Variants in CLHC1 observed in about 807,000 individuals in gnomAD.
The protein encoded by CLHC1 is clathrin heavy chain linker domain containing 1.
A neutral mutation model predicts 69.5 loss-of-function variants in CLHC1; 72 were observed. That is an observed-to-expected ratio of 1.04 (90% CI 0.86 to 1.26). The LOEUF is 1.26. Among genes scored for constraint, CLHC1 ranks in the 50% most tolerant of loss-of-function variants. The pLI, the probability that CLHC1 is intolerant of heterozygous loss-of-function variation, is 0.00. For missense variants in CLHC1, 790 were observed against 679.3 expected, an observed-to-expected ratio of 1.16 and a Z score of -1.81; for synonymous variants, 223 against 224.3, an observed-to-expected ratio of 0.99 and a Z score of 0.05.
chr2:55,212,556 A>AAC (rs139802708), intron 5 of CLHC1, 117 bp downstream of exon 5: 8 of 789,550 alleles, frequency 1.0e-5, no homozygotes, highest in South Asian at 5.1e-5. Context: ...TTATGTGTAC[A>AAC]ACACACACAC....
At position 55,183,760 on chromosome 2, in the gene CLHC1, C is replaced by A. The variant is rs1271028603; in HGVS notation, c.1007-2016G>T. Among the ~76,000 whole-genome samples, 3 of 152,086 alleles carry A rather than the reference C, an allele frequency of 2.0e-5. No individual in the cohort carries two copies. The East Asian group carries it at 5.8e-4, about 29-fold the overall frequency. ...CCAATAACCCTAACAAGGTGGGTAT[C>A]ATTAACATTCCTAGTTTTCTTTTCT... On this transcript the variant is annotated intron_variant, in intron 9 of 12. Coordinates refer to ENST00000401408, the MANE Select transcript of CLHC1 (RefSeq NM_152385.4).
In CLHC1 at chr2:55,222,997, CCAGT is replaced by C. The variant is rs560111403; in HGVS notation, c.-82-508_-82-505del. Among the ~76,000 whole-genome samples the C allele has an allele frequency of 1.2e-3, 179 of 151,518 alleles. 2 individuals carry two copies. The Middle Eastern group carries it at 0.017, about 15-fold the overall frequency. On this transcript the variant is annotated intron_variant, in intron 2 of 12. Coordinates refer to ENST00000401408, the MANE Select transcript of CLHC1 (RefSeq NM_152385.4). The stretch of plus-strand genomic sequence containing the variant: ...TGCTCTGGGACAGAAATACCAAACA[CCAGT>C]CAATGAAGAGCTCTTCTCTTGCTAA...
At chr2:55,224,782 A>G in intron 2 of CLHC1, 1 of 324,854 alleles carries the variant, frequency 3.1e-6, no homozygotes, top group Non-Finnish European at 6.3e-6. Flanking sequence ...CAGGAAATTC[A>G]GCAAGACTTG....
chr2:55,231,536 G>C (rs1027830522), intron 1 of CLHC1, among the ~76,000 whole-genome samples: 3 of 152,156 alleles, frequency 2.0e-5, no homozygotes, highest in South Asian at 2.1e-4. Context: ...GGAAAGACTG[G>C]AGAGAGATAA....
intron 9 of CLHC1, 134 bp downstream of exon 9, chr2:55,206,136 A>G: frequency 1.7e-6 from 1 of 597,624 alleles, no homozygotes; most frequent in Non-Finnish European, 2.9e-6. Context: ...GTTACTGCTA[A>G]GCAAACTGAG....
Position 55,208,718 on chromosome 2 carries a change from T to C in CLHC1, c.815-8A>G. 6.3e-6 allele frequency: 10 copies of C among 1,575,128 alleles called. No individual in the cohort carries two copies. The highest frequency in any genetic ancestry group is 8.7e-6 in the Non-Finnish European group (10 of 1,145,002). ...CAACAATGCCTTGGTCACCTGTAAATATTGAAAGTACTACTGGAAGATATT... is the reference window on the plus strand; with the variant it reads ...CAACAATGCCTTGGTCACCTGTAAACATTGAAAGTACTACTGGAAGATATT... On this transcript the variant is annotated splice_polypyrimidine_tract_variant and splice_region_variant and intron_variant, in intron 7 of 12. Coordinates refer to ENST00000401408, the MANE Select transcript of CLHC1 (RefSeq NM_152385.4).
intron 9 of CLHC1, among the ~76,000 whole-genome samples, chr2:55,193,915 T>A (rs1228187933): frequency 6.6e-6 from 1 of 152,156 alleles, no homozygotes; most frequent in African/African-American, 2.4e-5. Flanking sequence ...TGCAGTACAT[T>A]CATACAATGG....
chr2:55,223,783 C>A (rs1180406683), intron 2 of CLHC1, among the ~76,000 whole-genome samples: 1 of 151,954 alleles, frequency 6.6e-6, no homozygotes, highest in Non-Finnish European at 1.5e-5. Context: ...CACGCACACC[C>A]GCGATCGGAT....
At chr2:55,222,107 C>A in intron 3 of CLHC1, 128 bp downstream of exon 3, 2 of 669,674 alleles carry the variant, frequency 3.0e-6, no homozygotes, top group South Asian at 2.0e-5. Context: ...ATTGGATGAA[C>A]TTCTCAAAAT....
Position 55,209,821 on chromosome 2 carries a change from A to G in CLHC1, c.510T>C (p.Leu170=). 8 of 1,604,990 alleles carry G rather than the reference A, an allele frequency of 5.0e-6. No homozygotes were observed. Among genetic ancestry groups the G allele is most frequent in the Non-Finnish European group, 5.1e-6 (6 of 1,174,084 alleles). Residue 170 remains leucine, a synonymous_variant, in exon 6 of 13, where the codon CTT becomes CTC. Transcript: ENST00000401408. ...DPSKPIPGMT[L]QESMNLDALT... is the part of the protein sequence containing the mutation. ...GAGCATCTAGATTCATGGATTCTTG[A>G]AGAGTCATGCCTATGGGGAAAGGGA...
chr2:55,203,796 A>G (rs1375242441), intron 9 of CLHC1, among the ~76,000 whole-genome samples: 2 of 152,184 alleles, frequency 1.3e-5, no homozygotes, highest in East Asian at 3.8e-4. Context: ...AATTGAAGAA[A>G]AAAATGGACA....
At chr2:55,210,985 T>C (rs1309459653) in intron 5 of CLHC1, among the ~76,000 whole-genome samples, 1 of 152,136 alleles carries the variant, frequency 6.6e-6, no homozygotes, top group African/African-American at 2.4e-5. Context: ...TGAGCCACTG[T>C]GCCCAGCCCT....
chr2:55,214,068 T>C (rs1458883530), intron 4 of CLHC1, among the ~76,000 whole-genome samples: 1 of 152,188 alleles, frequency 6.6e-6, no homozygotes. Context: ...CTTCACAGGA[T>C]TCTTGCTAAA....
At chr2:55,227,396 A>G (rs1249157036) in intron 2 of CLHC1, among the ~76,000 whole-genome samples, 4 of 151,908 alleles carry the variant, frequency 2.6e-5, no homozygotes, top group Non-Finnish European at 5.9e-5. Flanking sequence ...ATAGTAAAAG[A>G]TAACCAGGCG....
At chr2:55,180,023 G>A (rs981455086) in intron 11 of CLHC1, among the ~76,000 whole-genome samples, 3 of 151,828 alleles carry the variant, frequency 2.0e-5, no homozygotes, top group African/African-American at 4.8e-5. Context: ...GCGTAGTGGC[G>A]GGCACCTGTA....
chr2:55,183,652 A>T (rs1158618734), intron 9 of CLHC1, among the ~76,000 whole-genome samples: 1 of 152,234 alleles, frequency 6.6e-6, no homozygotes, highest in Non-Finnish European at 1.5e-5. Context: ...TGTATTGTAA[A>T]GAAAATTAAT....
chr2:55,230,732 T>G (rs1675229344), intron 1 of CLHC1, among the ~76,000 whole-genome samples: 1 of 152,240 alleles, frequency 6.6e-6, no homozygotes, highest in Middle Eastern at 3.4e-3. Context: ...AATGAGCAAC[T>G]GTGTCAAATA....
At chr2:55,180,162 T>A (rs12619821) in intron 11 of CLHC1, among the ~76,000 whole-genome samples, 104,378 of 145,312 alleles carry the variant, frequency 0.72, 36,254 homozygotes, top group Non-Finnish European at 0.74. Flanking sequence ...CAAAAAAAAA[T>A]ATATATATAT....
chr2:55,194,349 A>G (rs1055055820), intron 9 of CLHC1, among the ~76,000 whole-genome samples: 2 of 152,206 alleles, frequency 1.3e-5, no homozygotes, highest in African/African-American at 4.8e-5. Context: ...GACAAATCTA[A>G]TATCCATTTC....
Sources: gnomAD v4.1 joint callset for allele counts (sites outside exome capture counted in the v4.1 genomes callset) on GRCh38, gnomAD v4.1.1 for gene constraint, MANE v1.5 for transcripts, NCBI Gene and HGNC (gene_info 2026-07-23, HGNC 2026-07-21) for gene names.